Variants in IL18BP observed in about 807,000 individuals in gnomAD.
IL18BP encodes interleukin-18-binding protein.
A neutral mutation model predicts 19.9 loss-of-function variants in IL18BP; 23 were observed. That is an observed-to-expected ratio of 1.15 (90% confidence interval 0.83 to 1.64). The LOEUF is 1.64. Among genes scored for constraint, IL18BP ranks in the 40% most tolerant of loss-of-function variants. The probability of loss-of-function intolerance (pLI) is 0.00; values close to 1 mark genes in which losing one functional copy is unlikely to be tolerated. For synonymous variants in IL18BP, 107 were observed against 101.0 expected (o/e 1.06, Z -0.35); for missense variants, 239 against 240.7 (o/e 0.99, Z 0.05).
chr11:72,005,707 G>C, downstream of IL18BP: 1 of 496,430 alleles, frequency 2.0e-6, no homozygotes, highest in African/African-American at 2.0e-5. Flanking sequence ...CAAAGGACAA[G>C]AGCTTCCAAG....
chr11:72,008,067 G>A (rs1955867190), downstream of IL18BP: 1 of 473,936 alleles, frequency 2.1e-6, no homozygotes. Flanking sequence ...AGATTCATCT[G>A]TTAAAGGAGA....
chr11:72,006,394 AGT>A (rs370383187), downstream of IL18BP: 219 of 712,502 alleles, frequency 3.1e-4, no homozygotes, highest in East Asian at 4.7e-3. Flanking sequence ...AGGTCCTTAA[AGT>A]GTGTGTCTGC....
chr11:72,007,342 C>T (rs758777851), downstream of IL18BP: 13 of 1,613,624 alleles, frequency 8.1e-6, no homozygotes, highest in Non-Finnish European at 1.1e-5. Context: ...AGAGACTCTC[C>T]AGGGATTCTA....
At chr11:72,003,592 C>G (rs1955416776), downstream of IL18BP, 2 of 1,605,254 alleles carry the variant, frequency 1.2e-6, no homozygotes, top group African/African-American at 1.3e-5. Flanking sequence ...CTAGCCTGCA[C>G]CCACTGGCTG....
downstream of IL18BP, chr11:72,005,106 AG>A: frequency 8.9e-7 from 1 of 1,122,758 alleles, no homozygotes; most frequent in African/African-American, 1.6e-5. Context: ...TGGAAACATG[AG>A]AAGGTCACCC....
chr11:72,001,830 C>T lies in IL18BP; in HGVS notation c.554C>T (p.Ser185Phe). 6.2e-7 allele frequency: 1 copy of T among 1,614,192 alleles called. No individual in the cohort carries two copies. Among genetic ancestry groups the T allele is most frequent in the African/African-American group, 1.3e-5 (1 of 75,044 alleles). The change falls in exon 6 of 6, where the codon TCC (serine) becomes TTC (phenylalanine). Residue 185 changes from serine (S) to phenylalanine (F), a missense_variant. By Grantham distance (155) the Ser-to-Phe change is radical. Coordinates refer to ENST00000393703, the MANE Select transcript of IL18BP (RefSeq NM_001039660.2). ...CCCCCCACCCAAGAAGCCCTGCCCT[C>T]CAGCCACAGCAGTCCACAGCAGCAG... ...TLPPTQEALPSSHSSPQQQG is the reference protein window; with the variant it reads ...TLPPTQEALPFSHSSPQQQG
downstream of IL18BP, chr11:72,004,552 G>T (rs1466744211): frequency 4.3e-6 from 6 of 1,384,270 alleles, no homozygotes; most frequent in Non-Finnish European, 6.0e-6. Flanking sequence ...AGTGAGGGAA[G>T]GAGAGAGAAG....
intron 5 of IL18BP, 72 bp downstream of exon 5, chr11:72,001,624 G>A (rs1266322931): frequency 1.9e-6 from 3 of 1,589,074 alleles, no homozygotes; most frequent in Non-Finnish European, 1.7e-6. Context: ...GAAAGGGTGG[G>A]CTCTGCCAGA....
Position 72,001,301 on chromosome 11 carries a change from C to A in IL18BP, c.336C>A (p.Gly112=), listed in dbSNP as rs768444085. The A allele has an allele frequency of 1.2e-5, 19 of 1,614,218 alleles. No individual in the cohort carries two copies. Among genetic ancestry groups the A allele is most frequent in the Non-Finnish European group, 1.6e-5 (19 of 1,180,014 alleles). ...GNGSFIEHLP[G]RLWEGSTSRE... ...GTTCCTTCATTGAGCACCTCCCAGG[C>A]CGACTGTGGGAGGGGAGCACCAGGT... Residue 112 remains glycine (G), a synonymous_variant, in exon 4 of 6, where the codon GGC becomes GGA. Coordinates refer to ENST00000393703, the MANE Select transcript of IL18BP (RefSeq NM_001039660.2).
chr11:72,002,371 A>G lies in IL18BP; in HGVS notation c.*510A>G, dbSNP rs1955304447. ...GTCATCCTCTTTCAGCTCTGGCCGC[A>G]TTCTGCAGACTTCCTATCTTCGTGC... On this transcript the variant is annotated 3_prime_UTR_variant, in exon 6 of 6. Transcript: ENST00000393703. The G allele has an allele frequency of 6.1e-6, 1 of 163,054 alleles. No individual in the cohort carries two copies. Among genetic ancestry groups the G allele is most frequent in the African/African-American group, 2.4e-5 (1 of 41,248 alleles). 10.1% of individuals were successfully genotyped at this position (163,054 alleles called of 1,614,324 possible).
At chr11:72,004,016 T>G (rs1955477823), downstream of IL18BP, 1 of 1,613,482 alleles carries the variant, frequency 6.2e-7, no homozygotes, top group Non-Finnish European at 8.5e-7. Context: ...GGGCCTTCTT[T>G]GAGGCTCCCC....
At chr11:72,003,924 G>A (rs1295722460), downstream of IL18BP, 2 of 1,612,502 alleles carry the variant, frequency 1.2e-6, no homozygotes, top group East Asian at 2.2e-5. Flanking sequence ...AATGGCGGCA[G>A]CAGTGGCGGC....
Position 72,001,279 on chromosome 11 carries a change from C to T in IL18BP, c.314C>T (p.Ser105Phe), listed in dbSNP as rs1448855248. 1 of 1,614,206 alleles carries T rather than the reference C, an allele frequency of 6.2e-7. No individual in the cohort carries two copies. Among genetic ancestry groups the T allele is most frequent in the South Asian group, 1.1e-5 (1 of 91,080 alleles). ...ATCCTCTACTGGCTGGGCAATGGTT[C>T]CTTCATTGAGCACCTCCCAGGCCGA... ...FSILYWLGNG[S>F]FIEHLPGRLW... Residue 105 changes from serine to phenylalanine, a missense_variant, in exon 4 of 6, where the codon TCC becomes TTC. By Grantham distance (155) the Ser-to-Phe change is radical (BLOSUM62 -2). Coordinates refer to ENST00000393703, the MANE Select transcript of IL18BP (RefSeq NM_001039660.2).
At chr11:72,007,691 T>C (rs1049300908), downstream of IL18BP, 2 of 535,432 alleles carry the variant, frequency 3.7e-6, no homozygotes, top group Non-Finnish European at 6.6e-6. Context: ...CAGATGCCCA[T>C]GGCTGCTTCA....
Position 71,999,936 on chromosome 11 carries a change from CGTT to C in IL18BP, c.-46_-44del, listed in dbSNP as rs771916666. Reference sequence around the variant, plus strand: ...CCCCACCTTTCACCAGAGAAGAGGACGTTGTCACAGATAAAGAGCCAGGCTCAC... The same window carrying C: ...CCCCACCTTTCACCAGAGAAGAGGACGTCACAGATAAAGAGCCAGGCTCAC... On this transcript the variant is annotated 5_prime_UTR_variant, in exon 2 of 6. Transcript: ENST00000393703. The C allele has an allele frequency of 1.7e-5, 27 of 1,603,830 alleles. No individual in the cohort carries two copies. Among genetic ancestry groups the C allele is most frequent in the Non-Finnish European group, 2.1e-5 (25 of 1,171,936 alleles).
chr11:72,008,010 C>T (rs1168627212), downstream of IL18BP: 1 of 435,386 alleles, frequency 2.3e-6, no homozygotes, highest in Non-Finnish European at 4.6e-6. Flanking sequence ...CAAACCCCAG[C>T]TCTACCACTG....
In IL18BP at chr11:72,000,532, C is replaced by G; in HGVS notation, c.210C>G (p.Thr70=). The G allele has an allele frequency of 1.2e-6, 2 of 1,612,544 alleles. No homozygotes were observed. Among genetic ancestry groups the G allele is most frequent in the South Asian group, 2.2e-5 (2 of 91,082 alleles). ...AAKQCPALEV[T]WPEVEVPLNG... is the part of the protein sequence containing the mutation. ...AGCAGTGTCCAGCATTGGAAGTGAC[C>G]TGGCCAGAGGTGGAAGTGCCACTGA... The change falls in exon 3 of 6, where the codon ACC becomes ACG. Residue 70 remains threonine, a synonymous_variant. Coordinates refer to ENST00000393703, the MANE Select transcript of IL18BP (RefSeq NM_001039660.2).
intron 1 of IL18BP, 183 bp downstream of exon 1, chr11:71,999,202 A>C: frequency 2.0e-6 from 1 of 502,490 alleles, no homozygotes; most frequent in Non-Finnish European, 4.0e-6. Flanking sequence ...ATTGAGCCTG[A>C]AGTGGTCCAA....
chr11:72,005,557 C>G, downstream of IL18BP: 1 of 573,026 alleles, frequency 1.7e-6, no homozygotes, highest in Non-Finnish European at 3.0e-6. Context: ...GCTTGCTCAC[C>G]ACCTTCTCCC....
Sources: allele counts gnomAD v4.1 joint callset, GRCh38; gene constraint gnomAD v4.1.1; transcripts MANE v1.5; gene names NCBI Gene and HGNC (gene_info 2026-07-23, HGNC 2026-07-21).